KDM4C: variants seen among roughly 807,000 people sequenced by gnomAD.
KDM4C encodes the protein lysine demethylase 4C, also known as lysine-specific demethylase 4C.
KDM4C carries 81 observed loss-of-function variants against 129.3 expected under a neutral mutation model. The observed-to-expected ratio is 0.63, with a 90% CI of 0.52 to 0.75. KDM4C has a LOEUF of 0.75. Among genes scored for constraint, KDM4C ranks in the 30% least tolerant of loss-of-function variants. The pLI is 0.00. For missense variants in KDM4C, 1,457 were observed against 1,304.0 expected, an observed-to-expected ratio of 1.12 and a Z score of -1.81; for synonymous variants, 573 against 456.1, an observed-to-expected ratio of 1.26 and a Z score of -3.26.
intron 17 of KDM4C, among the ~76,000 whole-genome samples, chr9:7,074,258 G>C (rs553945268): frequency 1.3e-5 from 2 of 152,126 alleles, no homozygotes; most frequent in South Asian, 4.2e-4. Flanking sequence ...CTGTCTCTTG[G>C]GTTCAAACAA....
At chr9:6,998,540 A>G (rs187419687) in intron 12 of KDM4C, among the ~76,000 whole-genome samples, 1,896 of 152,336 alleles carry the variant, frequency 0.012, 17 homozygotes, top group Non-Finnish European at 0.019. Flanking sequence ...TCACGCCTGT[A>G]ATCCCAGCAC....
intron 7 of KDM4C, among the ~76,000 whole-genome samples, chr9:6,891,379 G>GTTTA (rs1846095835): frequency 6.6e-6 from 1 of 152,152 alleles, no homozygotes; most frequent in African/African-American, 2.4e-5. Flanking sequence ...ACTTTGAAAA[G>GTTTA]TTTATGCTAA....
chr9:7,110,817 G>A (rs1302504491), intron 18 of KDM4C, among the ~76,000 whole-genome samples: 1 of 152,174 alleles, frequency 6.6e-6, no homozygotes, highest in African/African-American at 2.4e-5. Context: ...GGAAAATACA[G>A]CCACTTTTCT....
At chr9:6,853,203 C>G (rs1307198190) in intron 5 of KDM4C, among the ~76,000 whole-genome samples, 1 of 152,084 alleles carries the variant, frequency 6.6e-6, no homozygotes. Context: ...AGATTCTTTT[C>G]TAGCCCAGGT....
At chr9:6,967,031 A>C (rs1831100273) in intron 8 of KDM4C, among the ~76,000 whole-genome samples, 1 of 152,190 alleles carries the variant, frequency 6.6e-6, no homozygotes, top group Admixed American at 6.5e-5. Context: ...CATTTGCAAA[A>C]CGTGTCTGAT....
chr9:7,043,069 A>T (rs1828857416), intron 15 of KDM4C, among the ~76,000 whole-genome samples: 1 of 152,098 alleles, frequency 6.6e-6, no homozygotes, highest in Non-Finnish European at 1.5e-5. Context: ...GATTTTAGGA[A>T]TATCACTTAA....
intron 1 of KDM4C, among the ~76,000 whole-genome samples, chr9:6,763,361 C>A (rs1345090942): frequency 6.6e-6 from 1 of 152,208 alleles, no homozygotes; most frequent in African/African-American, 2.4e-5. Flanking sequence ...TCTCATTCTT[C>A]AGGAAGCTCA....
intron 17 of KDM4C, among the ~76,000 whole-genome samples, chr9:7,095,361 A>G (rs1469813556): frequency 6.6e-6 from 1 of 152,242 alleles, no homozygotes; most frequent in Admixed American, 6.5e-5. Context: ...TGCTAAGGAT[A>G]ATTAGTTCTT....
intron 18 of KDM4C, among the ~76,000 whole-genome samples, chr9:7,121,610 G>A (rs936836531): frequency 1.3e-5 from 2 of 152,146 alleles, no homozygotes; most frequent in East Asian, 3.9e-4. Context: ...TTACCACAGT[G>A]TACACGTGTG....
At chr9:6,970,758 T>C (rs138823061) in intron 8 of KDM4C, among the ~76,000 whole-genome samples, 307 of 152,284 alleles carry the variant, frequency 2.0e-3, no homozygotes, top group African/African-American at 7.1e-3. Flanking sequence ...TGGTATGTGA[T>C]AATTGTTTAT....
At chr9:6,893,508 G>A (rs1341777669) in intron 8 of KDM4C, 8 of 226,644 alleles carry the variant, frequency 3.5e-5, no homozygotes, top group Non-Finnish European at 5.2e-5. Flanking sequence ...GAGGCCTCCA[G>A]TTGGTGTTTT....
At chr9:6,736,911 C>T (rs1817542512) in intron 1 of KDM4C, among the ~76,000 whole-genome samples, 2 of 151,792 alleles carry the variant, frequency 1.3e-5, no homozygotes, top group Non-Finnish European at 2.9e-5. Flanking sequence ...ATTAGCCGGG[C>T]ATGGGGGCAC....
rs532805839 is a variant in KDM4C, at chr9:6,839,958, C to G, written c.436-9549C>G. Among the ~76,000 whole-genome samples the G allele has an allele frequency of 9.2e-5, 14 of 151,716 alleles. 1 individual carries two copies. The South Asian group carries it at 2.9e-3, about 32-fold the overall frequency. On this transcript the variant is annotated intron_variant, in intron 4 of 21. Coordinates refer to ENST00000381309, the MANE Select transcript of KDM4C (RefSeq NM_015061.6). ...TAATGAGAAACACCATGTCACAATGCTGAAATATAAAAATGAGACCAATTC... is the reference window on the plus strand; with the variant it reads ...TAATGAGAAACACCATGTCACAATGGTGAAATATAAAAATGAGACCAATTC...
At chr9:6,783,180 T>C (rs1483009336) in intron 1 of KDM4C, among the ~76,000 whole-genome samples, 1 of 152,160 alleles carries the variant, frequency 6.6e-6, no homozygotes, top group Non-Finnish European at 1.5e-5. Flanking sequence ...CTTCCCTTTA[T>C]TGCAGCACCT....
chr9:6,908,648 A>G (rs1818751425), intron 8 of KDM4C, among the ~76,000 whole-genome samples: 1 of 151,384 alleles, frequency 6.6e-6, no homozygotes, highest in African/African-American at 2.4e-5. Flanking sequence ...CTGACTTAGC[A>G]AAGAGGCCTC....
chr9:6,831,586 A>T (rs1186095536), intron 4 of KDM4C, among the ~76,000 whole-genome samples: 1 of 152,094 alleles, frequency 6.6e-6, no homozygotes, highest in East Asian at 1.9e-4. Flanking sequence ...CAGGTAATCC[A>T]GCCAACTCGG....
chr9:6,945,369 A>G (rs1041690241), intron 8 of KDM4C, among the ~76,000 whole-genome samples: 1 of 152,196 alleles, frequency 6.6e-6, no homozygotes, highest in African/African-American at 2.4e-5. Context: ...ATATATAAAT[A>G]TTATTTTGGG....
chr9:7,056,578 A>C (rs536282374), intron 17 of KDM4C, among the ~76,000 whole-genome samples: 8 of 152,332 alleles, frequency 5.3e-5, no homozygotes, highest in Admixed American at 3.3e-4. Context: ...ATGAAATGTT[A>C]TCTTGTTACT....
In KDM4C at chr9:6,892,109, G is replaced by C. The variant is rs115994973; in HGVS notation, c.784-986G>C. The stretch of plus-strand genomic sequence containing the variant: ...AAATACTTTGGCAATATGTGTCAAG[G>C]AGAAACATTGCTTCAGTGGCCAAAT... On this transcript the variant is annotated intron_variant, in intron 7 of 21. Transcript: ENST00000381309. Among the ~76,000 whole-genome samples the C allele has an allele frequency of 5.1e-3, 780 of 152,246 alleles. 7 individuals carry two copies. The highest frequency in any genetic ancestry group is 0.018 in the African/African-American group (740 of 41,546).
Sources: gnomAD v4.1 joint callset for allele counts (sites outside exome capture counted in the v4.1 genomes callset) on GRCh38, gnomAD v4.1.1 for gene constraint, MANE v1.5 for transcripts, NCBI Gene and HGNC (gene_info 2026-07-23, HGNC 2026-07-21) for gene names.